Variants in KCNN2 observed in about 807,000 individuals in gnomAD.
KCNN2 encodes potassium calcium-activated channel subfamily N member 2, also known as small conductance calcium-activated potassium channel protein 2.
Under a neutral mutation model 55.5 loss-of-function variants are expected in KCNN2, and 24 were observed. That is an observed-to-expected ratio of 0.43 (90% confidence interval 0.31 to 0.61). KCNN2 has a LOEUF of 0.61. Among genes scored for constraint, KCNN2 ranks in the 20% least tolerant of loss-of-function variants. The pLI, the probability that KCNN2 is intolerant of heterozygous loss-of-function variation, is 0.08. For synonymous variants in KCNN2, 431 were observed against 336.1 expected, an observed-to-expected ratio of 1.28 and a Z score of -3.09; for missense variants, 754 against 853.6, an observed-to-expected ratio of 0.88 and a Z score of 1.45.
At chr5:114,265,709 G>A (rs975915325) in intron 2 of KCNN2, among the ~76,000 whole-genome samples, 8 of 152,096 alleles carry the variant, frequency 5.3e-5, no homozygotes, top group African/African-American at 7.2e-5. Context: ...CAAGTCACCC[G>A]CACAGACACA....
chr5:114,082,742 A>T (rs1031750406), intron 1 of KCNN2, among the ~76,000 whole-genome samples: 2 of 152,198 alleles, frequency 1.3e-5, no homozygotes, highest in African/African-American at 4.8e-5. Context: ...AAAGGAATGA[A>T]ATTCTGATAT....
chr5:114,263,207 C>T (rs1326736755), intron 2 of KCNN2, among the ~76,000 whole-genome samples: 1 of 152,030 alleles, frequency 6.6e-6, no homozygotes, highest in Non-Finnish European at 1.5e-5. Flanking sequence ...AAGCAGTTTA[C>T]AGATGGGTTG....
chr5:114,383,109 A>G (rs999973050), intron 2 of KCNN2, among the ~76,000 whole-genome samples: 6 of 152,198 alleles, frequency 3.9e-5, no homozygotes, highest in East Asian at 3.8e-4. Flanking sequence ...CTAAGCTATG[A>G]TAACTTAACC....
intron 1 of KCNN2, among the ~76,000 whole-genome samples, chr5:114,219,210 TC>T (rs2095423865): frequency 6.6e-6 from 1 of 152,214 alleles, no homozygotes; most frequent in Non-Finnish European, 1.5e-5. Flanking sequence ...AGCTCTGCCA[TC>T]CATGGCTGAC....
intron 2 of KCNN2, among the ~76,000 whole-genome samples, chr5:114,265,397 A>G (rs1489774318): frequency 6.6e-6 from 1 of 151,726 alleles, no homozygotes; most frequent in African/African-American, 2.4e-5. Flanking sequence ...AAATTGACTC[A>G]TGTGATTATG....
At chr5:114,456,551 ACT>A (rs1460920518) in intron 3 of KCNN2, among the ~76,000 whole-genome samples, 1 of 152,176 alleles carries the variant, frequency 6.6e-6, no homozygotes, top group Non-Finnish European at 1.5e-5. Context: ...AGTAATTATG[ACT>A]CTCAAGTCAT....
chr5:114,177,173 T>A (rs1753150085), intron 1 of KCNN2, among the ~76,000 whole-genome samples: 1 of 150,882 alleles, frequency 6.6e-6, no homozygotes, highest in African/African-American at 2.4e-5. Flanking sequence ...AGTCTCGCTC[T>A]GTCGCCCAGG....
chr5:114,339,792 G>A (rs147450048), intron 2 of KCNN2, among the ~76,000 whole-genome samples: 2,457 of 150,600 alleles, frequency 0.016, 27 homozygotes, highest in Non-Finnish European at 0.025. Flanking sequence ...AATAGAGCCA[G>A]ACCTTATCAC....
chr5:114,173,999 G>A (rs1753090541), intron 1 of KCNN2, among the ~76,000 whole-genome samples: 1 of 151,950 alleles, frequency 6.6e-6, no homozygotes, highest in South Asian at 2.1e-4. Flanking sequence ...GACAAAGTAT[G>A]ATAATGAAAG....
intron 2 of KCNN2, among the ~76,000 whole-genome samples, chr5:114,275,007 C>T (rs975916520): frequency 4.6e-5 from 7 of 152,154 alleles, no homozygotes; most frequent in African/African-American, 1.7e-4. Context: ...AGATGTGTTC[C>T]ACTGATACCT....
chr5:114,226,016 G>A (rs562663544), intron 2 of KCNN2, among the ~76,000 whole-genome samples: 4 of 152,204 alleles, frequency 2.6e-5, no homozygotes, highest in African/African-American at 4.8e-5. Flanking sequence ...AGAACTATCC[G>A]GGACTAAAAT....
intron 2 of KCNN2, among the ~76,000 whole-genome samples, chr5:114,291,908 T>C (rs1008850655): frequency 2.6e-5 from 4 of 152,178 alleles, no homozygotes; most frequent in East Asian, 1.9e-4. Context: ...TGGTATCTCA[T>C]TGTGGTTTTG....
chr5:114,105,079 G>T (rs1751455730), intron 1 of KCNN2, among the ~76,000 whole-genome samples: 1 of 151,942 alleles, frequency 6.6e-6, no homozygotes, highest in African/African-American at 2.4e-5. Flanking sequence ...TATACCCCAG[G>T]AAATGTTCTG....
At chr5:114,363,370 C>T (rs1339534020) in intron 1 of KCNN2, 109 bp downstream of exon 1, 25 of 1,331,372 alleles carry the variant, frequency 1.9e-5, no homozygotes, top group Non-Finnish European at 2.3e-5. Context: ...CCGGGACGAT[C>T]AAGGGAGCCC....
chr5:114,269,986 T>A (rs1215740474), intron 2 of KCNN2, among the ~76,000 whole-genome samples: 1 of 152,214 alleles, frequency 6.6e-6, no homozygotes, highest in African/African-American at 2.4e-5. Context: ...TCTGGGTAAT[T>A]ATAAGCTGTT....
chr5:114,098,618 A>G (rs1751311679), intron 1 of KCNN2, among the ~76,000 whole-genome samples: 2 of 151,210 alleles, frequency 1.3e-5, no homozygotes, highest in African/African-American at 4.9e-5. Flanking sequence ...TCCCCCAACC[A>G]TGTCCGTGAA....
intron 2 of KCNN2, among the ~76,000 whole-genome samples, chr5:114,279,010 C>G (rs901573087): frequency 9.8e-5 from 6 of 61,292 alleles, no homozygotes; most frequent in African/African-American, 2.9e-4. Flanking sequence ...GGAAGCAACC[C>G]CCTAGTTCTC....
At chr5:114,394,178 C>A (rs1476126268) in intron 2 of KCNN2, among the ~76,000 whole-genome samples, 2 of 152,070 alleles carry the variant, frequency 1.3e-5, no homozygotes, top group Non-Finnish European at 2.9e-5. Context: ...TGTAATAAAA[C>A]TTTTACTGCC....
At chr5:114,287,138 G>A (rs1413401717) in intron 2 of KCNN2, among the ~76,000 whole-genome samples, 5 of 152,080 alleles carry the variant, frequency 3.3e-5, no homozygotes, top group African/African-American at 1.2e-4. Context: ...AAGAGTAGAG[G>A]GTGAAAAGCT....
Sources: gnomAD v4.1 joint callset for allele counts (sites outside exome capture counted in the v4.1 genomes callset) on GRCh38, gnomAD v4.1.1 for gene constraint, MANE v1.5 for transcripts, NCBI Gene and HGNC (gene_info 2026-07-23, HGNC 2026-07-21) for gene names.